Variants in LRBA observed in about 807,000 individuals in gnomAD.
LRBA encodes lipopolysaccharide-responsive and beige-like anchor protein.
Under a neutral mutation model 330.0 loss-of-function variants are expected in LRBA, and 176 were observed. That is an observed-to-expected ratio of 0.53 (90% CI 0.47 to 0.60). The LOEUF (loss-of-function observed/expected upper bound fraction) is 0.60, where lower values mean the gene tolerates loss of function less well. Ranked by LOEUF, LRBA falls within the 20% of genes least tolerant of loss-of-function variation. The pLI is 0.00. For synonymous variants in LRBA, 1,230 were observed against 1,193.0 expected, an observed-to-expected ratio of 1.03 and a Z score of -0.64; for missense variants, 3,259 against 3,444.8, an observed-to-expected ratio of 0.95 and a Z score of 1.35.
At chr4:150,469,139 A>G (rs752636310) in intron 43 of LRBA, among the ~76,000 whole-genome samples, 27 of 152,118 alleles carry the variant, frequency 1.8e-4, no homozygotes, top group Non-Finnish European at 3.2e-4. Context: ...ATAATTTTTT[A>G]TTGTACCTAA....
At chr4:150,593,038 G>T (rs980640515) in intron 38 of LRBA, among the ~76,000 whole-genome samples, 3 of 151,828 alleles carry the variant, frequency 2.0e-5, no homozygotes, top group African/African-American at 7.3e-5. Flanking sequence ...AGTATTTATA[G>T]TTCCTTACTC....
intron 26 of LRBA, among the ~76,000 whole-genome samples, chr4:150,846,872 T>C (rs996858998): frequency 2.0e-5 from 3 of 152,170 alleles, no homozygotes; most frequent in Non-Finnish European, 4.4e-5. Context: ...ATCTCTTAAT[T>C]CTTTTCCGTG....
intron 34 of LRBA, among the ~76,000 whole-genome samples, chr4:150,794,073 G>T (rs1253312874): frequency 6.6e-6 from 1 of 152,184 alleles, no homozygotes; most frequent in East Asian, 1.9e-4. Flanking sequence ...AGCTCTGAAT[G>T]ATAAGCAGCA....
chr4:150,508,699 A>G (rs920254926), intron 40 of LRBA, among the ~76,000 whole-genome samples: 3 of 152,246 alleles, frequency 2.0e-5, no homozygotes, highest in African/African-American at 7.2e-5. Context: ...TATGATCTGA[A>G]TAACAGAGCT....
intron 44 of LRBA, among the ~76,000 whole-genome samples, chr4:150,439,088 G>A (rs530477237): frequency 1.3e-5 from 2 of 152,184 alleles, no homozygotes; most frequent in East Asian, 1.9e-4. Context: ...ATGTATTTTA[G>A]TTGTTGTCCC....
intron 17 of LRBA, among the ~76,000 whole-genome samples, chr4:150,874,116 C>A (rs888673847): frequency 6.6e-6 from 1 of 151,962 alleles, no homozygotes; most frequent in African/African-American, 2.4e-5. Flanking sequence ...GAGTTTTTTT[C>A]CCCAAAGATG....
intron 2 of LRBA, among the ~76,000 whole-genome samples, chr4:150,990,216 GTAAATTCACATATACA>G: frequency 6.6e-6 from 1 of 152,048 alleles, no homozygotes; most frequent in African/African-American, 2.4e-5. Context: ...ACATATATAT[GTAAATTCACATATACA>G]TATCCATATC....
At chr4:150,441,658 ATAGG>A (rs1166822169) in intron 44 of LRBA, among the ~76,000 whole-genome samples, 1 of 152,100 alleles carries the variant, frequency 6.6e-6, no homozygotes, top group Admixed American at 6.6e-5. Context: ...CTCATAATAA[ATAGG>A]TAATCTAGAT....
chr4:150,588,078 C>A lies in LRBA; in HGVS notation c.6300G>T (p.Glu2100Asp). 1 of 1,612,362 alleles carries A rather than the reference C, an allele frequency of 6.2e-7. No homozygotes were observed. The highest frequency in any genetic ancestry group is 8.5e-7 in the Non-Finnish European group (1 of 1,179,186). ...SSELYFEVDE[E>D]DPNFKKIDPK... is the part of the protein sequence containing the mutation. ...GGTCGATTTTTTTGAAGTTAGGATC[C>A]TCTTCATCCACCTCAAAATAGAGTT... Residue 2100 changes from glutamate (E) to aspartate (D), a missense_variant, in exon 40 of 57, where the codon GAG (glutamate) becomes GAT (aspartate). Coordinates refer to ENST00000651943, the MANE Select transcript of LRBA (RefSeq NM_001364905.1).
chr4:150,311,324 T>C (rs985315539), intron 51 of LRBA: 6 of 152,186 alleles, frequency 3.9e-5, no homozygotes, highest in Non-Finnish European at 5.9e-5. Flanking sequence ...AATTTGATTG[T>C]ACCAGAAATC....
intron 40 of LRBA, among the ~76,000 whole-genome samples, chr4:150,529,394 T>G (rs1763817439): frequency 6.6e-6 from 1 of 152,112 alleles, no homozygotes; most frequent in African/African-American, 2.4e-5. Context: ...TGGGTTCCCA[T>G]GTAAAACAAA....
chr4:150,422,855 G>A (rs996630103), intron 46 of LRBA: 16 of 1,310,588 alleles, frequency 1.2e-5, no homozygotes, highest in East Asian at 2.3e-5. Context: ...ACTCCACCAC[G>A]TGATCCACCA....
chr4:150,329,265 A>G, intron 48 of LRBA, among the ~76,000 whole-genome samples: 1 of 152,224 alleles, frequency 6.6e-6, no homozygotes, highest in East Asian at 1.9e-4. Flanking sequence ...TAAAAATGCA[A>G]CAGAAAGGAC....
intron 37 of LRBA, chr4:150,679,561 T>C (rs943843150): frequency 6.6e-6 from 1 of 152,066 alleles, no homozygotes; most frequent in African/African-American, 2.4e-5. Context: ...TGAAGAAAAA[T>C]TGGAGAGAGC....
chr4:150,654,424 C>T (rs949853618), intron 37 of LRBA, among the ~76,000 whole-genome samples: 1 of 152,104 alleles, frequency 6.6e-6, no homozygotes, highest in Non-Finnish European at 1.5e-5. Context: ...CATGACCTCA[C>T]GCGATCCACC....
intron 40 of LRBA, among the ~76,000 whole-genome samples, chr4:150,512,580 C>G (rs1284731152): frequency 6.6e-6 from 1 of 152,044 alleles, no homozygotes; most frequent in East Asian, 1.9e-4. Context: ...GGGCTCCACA[C>G]CAGAATCTAC....
Position 150,790,126 on chromosome 4 carries a change from T to C in LRBA, c.5580+7955A>G, listed in dbSNP as rs534743788. ...TCAGCAGGGAACTTGCAGAATTAAGTGCCAGTTGATATTACTTTGTTTTGC... is the reference window on the plus strand; with the variant it reads ...TCAGCAGGGAACTTGCAGAATTAAGCGCCAGTTGATATTACTTTGTTTTGC... On this transcript the variant is annotated intron_variant, in intron 34 of 56. Coordinates refer to ENST00000651943, the MANE Select transcript of LRBA (RefSeq NM_001364905.1). Among the ~76,000 whole-genome samples the C allele has an allele frequency of 2.6e-5, 4 of 152,326 alleles. No homozygotes were observed. The South Asian group carries it at 8.3e-4, about 32-fold the overall frequency.
intron 35 of LRBA, among the ~76,000 whole-genome samples, chr4:150,736,553 T>C (rs1229578272): frequency 2.6e-5 from 4 of 151,864 alleles, no homozygotes; most frequent in East Asian, 1.9e-4. Context: ...GACTGAAACA[T>C]AGTAAGAAAA....
intron 41 of LRBA, among the ~76,000 whole-genome samples, chr4:150,488,619 T>C (rs1436498584): frequency 2.6e-5 from 4 of 151,336 alleles, no homozygotes; most frequent in Non-Finnish European, 5.9e-5. Flanking sequence ...AATCATACAA[T>C]CTTGAGAGAG....
Sources: allele counts gnomAD v4.1 joint callset (sites outside exome capture counted in the v4.1 genomes callset), GRCh38; gene constraint gnomAD v4.1.1; transcripts MANE v1.5; gene names NCBI Gene and HGNC (gene_info 2026-07-23, HGNC 2026-07-21).